DNAJC5B: variants seen among roughly 807,000 people sequenced by gnomAD.
DNAJC5B encodes dnaJ homolog subfamily C member 5B.
In DNAJC5B, 23 loss-of-function variants were observed where a neutral mutation model predicts 24.7. The ratio of observed to expected loss-of-function variants is 0.93; its 90% confidence interval spans 0.67 to 1.32. DNAJC5B has a LOEUF of 1.32. Among genes scored for constraint, DNAJC5B ranks in the 40% most tolerant of loss-of-function variants. DNAJC5B has a pLI of 0.00. For missense variants in DNAJC5B, 238 were observed against 240.8 expected (o/e 0.99, Z 0.08); for synonymous variants, 101 against 90.1 (o/e 1.12, Z -0.68).
intron 3 of DNAJC5B, among the ~76,000 whole-genome samples, chr8:66,067,263 C>T (rs1392124505): frequency 2.7e-5 from 4 of 150,364 alleles, no homozygotes; most frequent in African/African-American, 9.8e-5. Flanking sequence ...TAACTGGGCC[C>T]TGATCTTGGA....
At position 66,033,136 on chromosome 8, in the gene DNAJC5B, G is replaced by A. The variant is rs139041393; in HGVS notation, c.-141-10352G>A. Among the ~76,000 whole-genome samples, 617 of 152,296 alleles carry A rather than the reference G, an allele frequency of 4.1e-3. 5 individuals are homozygous for A. The highest frequency in any genetic ancestry group is 0.014 in the African/African-American group (596 of 41,570). On this transcript the variant is annotated intron_variant, in intron 1 of 5. Transcript: ENST00000276570. ...ATCCCACAGACATCAGTTCTTATGG[G>A]GTGGGATGGGCAGGTCAAAAAGCAA... is the stretch of plus-strand genomic sequence containing the variant.
chr8:66,095,636 C>T (rs1807934458), intron 5 of DNAJC5B, among the ~76,000 whole-genome samples: 1 of 148,266 alleles, frequency 6.7e-6, no homozygotes, highest in Admixed American at 6.8e-5. Flanking sequence ...TTTGAATTTT[C>T]TTATAAGTTA....
chr8:66,045,214 C>T (rs940940946), intron 2 of DNAJC5B, among the ~76,000 whole-genome samples: 11 of 152,176 alleles, frequency 7.2e-5, no homozygotes, highest in Non-Finnish European at 2.9e-5. Flanking sequence ...AACTACTTCC[C>T]ACATTGACCA....
intron 5 of DNAJC5B, among the ~76,000 whole-genome samples, chr8:66,089,458 A>G (rs943283506): frequency 1.3e-5 from 2 of 152,246 alleles, no homozygotes; most frequent in Non-Finnish European, 2.9e-5. Context: ...AATTTGAAAT[A>G]TCAAATCCTT....
intron 3 of DNAJC5B, among the ~76,000 whole-genome samples, chr8:66,070,314 T>C (rs964743833): frequency 1.3e-5 from 2 of 152,154 alleles, no homozygotes; most frequent in Middle Eastern, 3.2e-3. Context: ...AAAACCCCAT[T>C]GTCTCAGCCC....
intron 4 of DNAJC5B, among the ~76,000 whole-genome samples, chr8:66,079,488 G>A (rs1807543963): frequency 6.6e-6 from 1 of 152,184 alleles, no homozygotes; most frequent in Non-Finnish European, 1.5e-5. Context: ...TCTTTAAGAT[G>A]AGTCTTACAC....
chr8:66,071,796 A>G (rs1187260072), intron 3 of DNAJC5B, among the ~76,000 whole-genome samples: 1 of 152,200 alleles, frequency 6.6e-6, no homozygotes. Context: ...CTTGGAGCCA[A>G]CCAAAATGTC....
At chr8:66,034,030 T>A (rs1028703628) in intron 1 of DNAJC5B, among the ~76,000 whole-genome samples, 5 of 151,614 alleles carry the variant, frequency 3.3e-5, no homozygotes, top group South Asian at 2.1e-4. Flanking sequence ...GATGTGTACA[T>A]GAAACCCCTC....
chr8:66,029,199 G>T (rs748683812), intron 1 of DNAJC5B, among the ~76,000 whole-genome samples: 7 of 152,172 alleles, frequency 4.6e-5, no homozygotes, highest in Admixed American at 1.3e-4. Context: ...TAAAAAATTT[G>T]ACCCTTTGCG....
chr8:66,086,410 A>G (rs1205913224), intron 5 of DNAJC5B, among the ~76,000 whole-genome samples: 2 of 152,192 alleles, frequency 1.3e-5, no homozygotes, highest in Non-Finnish European at 2.9e-5. Context: ...TTGGCAAGTT[A>G]TATAGCCACT....
chr8:66,058,065 G>C (rs1434531883), intron 3 of DNAJC5B: 1 of 152,208 alleles, frequency 6.6e-6, no homozygotes, highest in Non-Finnish European at 1.5e-5. Flanking sequence ...TCCCACCCTC[G>C]ATGGTGGTGT....
chr8:66,023,707 G>T (rs1806191632), intron 1 of DNAJC5B, among the ~76,000 whole-genome samples: 1 of 151,658 alleles, frequency 6.6e-6, no homozygotes, highest in Admixed American at 6.6e-5. Flanking sequence ...TCCATCCGTG[G>T]TATCCGACCT....
chr8:66,053,544 A>G (rs576903203), intron 3 of DNAJC5B, among the ~76,000 whole-genome samples: 20 of 152,308 alleles, frequency 1.3e-4, no homozygotes, highest in African/African-American at 4.3e-4. Context: ...AATTATCATT[A>G]ATATTCTGTT....
intron 2 of DNAJC5B, among the ~76,000 whole-genome samples, 154 bp downstream of exon 2, chr8:66,043,765 G>GACT (rs1806666480): frequency 6.6e-6 from 1 of 151,698 alleles, no homozygotes; most frequent in African/African-American, 2.4e-5. Flanking sequence ...GTAACATTCT[G>GACT]ACTTGCCCCA....
intron 5 of DNAJC5B, among the ~76,000 whole-genome samples, chr8:66,087,677 CA>C (rs1807757450): frequency 6.6e-6 from 1 of 152,154 alleles, no homozygotes; most frequent in Non-Finnish European, 1.5e-5. Context: ...ACAAAGGGAC[CA>C]CAGGCCCCAG....
At chr8:66,086,298 ACTGT>A (rs1251313671) in intron 5 of DNAJC5B, among the ~76,000 whole-genome samples, 4 of 152,004 alleles carry the variant, frequency 2.6e-5, no homozygotes, top group Admixed American at 1.3e-4. Context: ...GCCTTGTTGC[ACTGT>A]CTAAGATTTC....
At chr8:66,017,329 T>G (rs1440030309), upstream of DNAJC5B, among the ~76,000 whole-genome samples, 5 of 152,222 alleles carry the variant, frequency 3.3e-5, no homozygotes, top group African/African-American at 1.2e-4. Context: ...TCATTAGCAC[T>G]CCTTAAAAAT....
intron 3 of DNAJC5B, 127 bp from the exon 4 acceptor site, chr8:66,076,533 C>T: frequency 9.7e-7 from 1 of 1,026,236 alleles, no homozygotes; most frequent in Non-Finnish European, 1.5e-6. Context: ...CACCGCTAGT[C>T]TGAAACTCAC....
intron 3 of DNAJC5B, among the ~76,000 whole-genome samples, chr8:66,053,467 G>C (rs543573174): frequency 5.3e-5 from 8 of 152,230 alleles, no homozygotes; most frequent in African/African-American, 1.9e-4. Context: ...TTTGCTTACT[G>C]TAGAAATTTT....
Sources: allele counts gnomAD v4.1 joint callset (sites outside exome capture counted in the v4.1 genomes callset), GRCh38; gene constraint gnomAD v4.1.1; transcripts MANE v1.5; gene names NCBI Gene and HGNC (gene_info 2026-07-23, HGNC 2026-07-21).